Variants in PPP3CA observed in about 807,000 individuals in gnomAD.
The protein encoded by PPP3CA is protein phosphatase 3 catalytic subunit alpha, also known as CAM-PRP catalytic subunit.
Under a neutral mutation model 66.5 loss-of-function variants are expected in PPP3CA, and 14 were observed. The ratio of observed to expected loss-of-function variants is 0.21; its 90% CI spans 0.14 to 0.33. PPP3CA has a LOEUF of 0.33. PPP3CA is among the 10% of genes least tolerant of loss of function. The pLI is 1.00. For synonymous variants in PPP3CA, 232 were observed against 226.2 expected (o/e 1.03, Z -0.23); for missense variants, 317 against 639.5 (o/e 0.50, Z 5.44).
chr4:101,168,994 T>C (rs1723784702), intron 2 of PPP3CA, among the ~76,000 whole-genome samples: 1 of 152,196 alleles, frequency 6.6e-6, no homozygotes, highest in African/African-American at 2.4e-5. Context: ...GGATGATCAA[T>C]AATATGTACT....
intron 1 of PPP3CA, among the ~76,000 whole-genome samples, chr4:101,304,952 C>T (rs2110303371): frequency 6.6e-6 from 1 of 152,316 alleles, no homozygotes; most frequent in East Asian, 1.9e-4. Flanking sequence ...TGAAAATTAA[C>T]TGAAATGTCA....
rs573525687 is a variant in PPP3CA at position 101,098,527 on chromosome 4, T to G, written c.497-15A>C. ...CTTTATTTTACCTTTTAGAAGTGAT[T>G]AAAAGAATACTTATGATTTATAGGC... On this transcript the variant is annotated splice_polypyrimidine_tract_variant and intron_variant, in intron 4 of 13. Transcript: ENST00000394854. 6.3e-7 allele frequency: 1 copy of G among 1,580,394 alleles called. No individual in the cohort carries two copies. Among genetic ancestry groups the G allele is most frequent in the South Asian group, 1.2e-5 (1 of 84,126 alleles).
At position 101,138,060 on chromosome 4, in the gene PPP3CA, T is replaced by C. The variant is rs537037023; in HGVS notation, c.260-28982A>G. 5.3e-5 allele frequency among the ~76,000 whole-genome samples: 8 copies of C among 152,354 alleles called. No individual in the cohort carries two copies. In the East Asian group the frequency reaches 9.6e-4, roughly 18 times the overall value. ...TAATCTTTAAGTATTGCTTTTATCA[T>C]ATCACTCATCTGGGCAGAAATAAGC... On this transcript the variant is annotated intron_variant, in intron 2 of 13. Transcript: ENST00000394854.
chr4:101,324,164 GGAAGGAA>G (rs1729134611), intron 1 of PPP3CA, among the ~76,000 whole-genome samples: 1 of 101,758 alleles, frequency 9.8e-6, no homozygotes, highest in Admixed American at 9.5e-5. Flanking sequence ...GAGGAAGGAA[GGAAGGAA>G]GGAAGGAAGG....
chr4:101,149,643 C>T (rs1723075880), intron 2 of PPP3CA, among the ~76,000 whole-genome samples: 1 of 152,164 alleles, frequency 6.6e-6, no homozygotes, highest in Admixed American at 6.6e-5. Context: ...CAGTTGAGAA[C>T]TGAGCAGTGC....
intron 2 of PPP3CA, among the ~76,000 whole-genome samples, chr4:101,165,877 G>A (rs1242040345): frequency 1.3e-5 from 2 of 152,122 alleles, no homozygotes; most frequent in African/African-American, 2.4e-5. Flanking sequence ...TGTTAAATAA[G>A]ATTAGTCTTA....
intron 1 of PPP3CA, among the ~76,000 whole-genome samples, chr4:101,333,202 T>C (rs1320419199): frequency 7.1e-6 from 1 of 140,118 alleles, no homozygotes; most frequent in Non-Finnish European, 1.5e-5. Context: ...CCTCCTGGGC[T>C]CAAGCGATCC....
At chr4:101,109,104 G>T in intron 2 of PPP3CA, 26 bp from the exon 3 acceptor site, 1 of 1,604,372 alleles carries the variant, frequency 6.2e-7, no homozygotes, top group Non-Finnish European at 8.5e-7. Context: ...TTCATTTTAT[G>T]GTCATATTAT....
At chr4:101,132,880 A>C (rs1722493614) in intron 2 of PPP3CA, among the ~76,000 whole-genome samples, 1 of 152,206 alleles carries the variant, frequency 6.6e-6, no homozygotes, top group South Asian at 2.1e-4. Flanking sequence ...ATACAGCAGC[A>C]CATCAAAAAG....
intron 1 of PPP3CA, among the ~76,000 whole-genome samples, chr4:101,247,930 A>ATG (rs1398079735): frequency 6.6e-6 from 1 of 152,202 alleles, no homozygotes; most frequent in Admixed American, 6.5e-5. Flanking sequence ...AACTCTATAT[A>ATG]TGTGTGTATA....
chr4:101,112,672 A>C (rs1458793025), intron 2 of PPP3CA, among the ~76,000 whole-genome samples: 2 of 152,188 alleles, frequency 1.3e-5, no homozygotes, highest in Non-Finnish European at 2.9e-5. Context: ...TTTCATCCAT[A>C]AAGTCTCACA....
intron 2 of PPP3CA, among the ~76,000 whole-genome samples, chr4:101,125,510 G>C (rs1330068875): frequency 6.6e-6 from 1 of 152,124 alleles, no homozygotes; most frequent in Admixed American, 6.6e-5. Context: ...GGTGCATACT[G>C]ACTGGCCAGT....
intron 2 of PPP3CA, among the ~76,000 whole-genome samples, chr4:101,110,949 A>G (rs1052876671): frequency 3.2e-5 from 3 of 94,274 alleles, no homozygotes; most frequent in African/African-American, 9.3e-5. Context: ...ATGTGTGTAC[A>G]TATAAGATAT....
chr4:101,272,261 T>C (rs1283356672), intron 1 of PPP3CA, among the ~76,000 whole-genome samples: 1 of 152,186 alleles, frequency 6.6e-6, no homozygotes, highest in African/African-American at 2.4e-5. Context: ...ATTTATCCCA[T>C]AACTACCTTA....
At chr4:101,164,200 T>TAACA (rs947487408) in intron 2 of PPP3CA, among the ~76,000 whole-genome samples, 3 of 151,780 alleles carry the variant, frequency 2.0e-5, no homozygotes, top group Non-Finnish European at 4.4e-5. Context: ...CCACTCTACT[T>TAACA]AACAATTCCA....
intron 1 of PPP3CA, among the ~76,000 whole-genome samples, chr4:101,319,662 A>G (rs1000596458): frequency 6.6e-6 from 1 of 152,158 alleles, no homozygotes; most frequent in Non-Finnish European, 1.5e-5. Flanking sequence ...AATCTCACAA[A>G]TCAGTTAAAA....
At chr4:101,124,953 T>C (rs1722200101) in intron 2 of PPP3CA, among the ~76,000 whole-genome samples, 1 of 152,196 alleles carries the variant, frequency 6.6e-6, no homozygotes. Flanking sequence ...CATCTTGCTT[T>C]CACTTTTCAT....
At chr4:101,084,643 C>CAA (rs1206180027) in intron 6 of PPP3CA, among the ~76,000 whole-genome samples, 5 of 114,454 alleles carry the variant, frequency 4.4e-5, no homozygotes, top group South Asian at 5.6e-4. Context: ...AACTCCATCT[C>CAA]AAAAAAAAAA....
chr4:101,231,949 A>G (rs535640243), intron 1 of PPP3CA, among the ~76,000 whole-genome samples: 2 of 151,782 alleles, frequency 1.3e-5, no homozygotes, highest in East Asian at 2.0e-4. Context: ...CTCCCACTGA[A>G]TATTACCAGT....
Sources: gnomAD v4.1 joint callset for allele counts (sites outside exome capture counted in the v4.1 genomes callset) on GRCh38, gnomAD v4.1.1 for gene constraint, MANE v1.5 for transcripts, NCBI Gene and HGNC (gene_info 2026-07-23, HGNC 2026-07-21) for gene names.